MEI4: variants seen among roughly 807,000 people sequenced by gnomAD.
MEI4 encodes meiosis-specific protein MEI4.
Under a neutral mutation model 31.4 loss-of-function variants are expected in MEI4, and 27 were observed. The ratio of observed to expected loss-of-function variants is 0.86; its 90% CI spans 0.63 to 1.19. MEI4 has a LOEUF of 1.19. MEI4 is among the 50% of genes most tolerant of loss of function. The probability of loss-of-function intolerance (pLI) is 0.00; values close to 1 mark genes in which losing one functional copy is unlikely to be tolerated. For synonymous variants in MEI4, 122 were observed against 145.4 expected, an observed-to-expected ratio of 0.84 and a Z score of 1.16; for missense variants, 329 against 398.9, an observed-to-expected ratio of 0.82 and a Z score of 1.49.
At chr6:77,897,805 A>T (rs1766114761) in intron 4 of MEI4, among the ~76,000 whole-genome samples, 1 of 151,780 alleles carries the variant, frequency 6.6e-6, no homozygotes, top group Non-Finnish European at 1.5e-5. Flanking sequence ...TGATTCACCA[A>T]TCTATACCCC....
chr6:77,835,009 G>A lies in MEI4; in HGVS notation c.900+5947G>A, dbSNP rs559278964. On this transcript the variant is annotated intron_variant, in intron 4 of 4. Coordinates refer to ENST00000684080, the MANE Select transcript of MEI4 (RefSeq NM_001322247.2). ...TCTGAAGCTATGCAAACTTTCAGGCGTTCCAAGAGAGTTTTTGACTATTAC... is the reference window on the plus strand; with the variant it reads ...TCTGAAGCTATGCAAACTTTCAGGCATTCCAAGAGAGTTTTTGACTATTAC... Among the ~76,000 whole-genome samples the A allele has an allele frequency of 8.6e-4, 131 of 152,142 alleles. 1 individual carries two copies. Among genetic ancestry groups the A allele is most frequent in the African/African-American group, 2.9e-3 (121 of 41,528 alleles).
chr6:77,714,692 T>G (rs1766541101), intron 2 of MEI4, among the ~76,000 whole-genome samples: 1 of 152,154 alleles, frequency 6.6e-6, no homozygotes. Flanking sequence ...CAGCCCCATA[T>G]CCCTATCTGT....
rs900155745 is a variant in MEI4, at chr6:77,799,745, T to C, written c.769-29186T>C. ...AGTTTTCCCAGCACCATTTATTAAATAGGGAATCCTTTCCCCATTGCTTGT... is the reference window on the plus strand; with the variant it reads ...AGTTTTCCCAGCACCATTTATTAAACAGGGAATCCTTTCCCCATTGCTTGT... On this transcript the variant is annotated intron_variant, in intron 3 of 4. Transcript: ENST00000684080. Among the ~76,000 whole-genome samples, 56 of 152,274 alleles carry C rather than the reference T, an allele frequency of 3.7e-4. 1 individual carries two copies. The highest frequency in any genetic ancestry group is 1.3e-3 in the African/African-American group (54 of 41,556).
At chr6:77,745,913 T>G (rs1468020370) in intron 2 of MEI4, among the ~76,000 whole-genome samples, 1 of 152,160 alleles carries the variant, frequency 6.6e-6, no homozygotes. Flanking sequence ...AGATGTTCTT[T>G]GAAACCAACG....
At chr6:77,655,643 A>C (rs1211309764) in intron 1 of MEI4, among the ~76,000 whole-genome samples, 2 of 152,176 alleles carry the variant, frequency 1.3e-5, no homozygotes, top group African/African-American at 4.8e-5. Flanking sequence ...TGTATATACT[A>C]TCCTATTTTC....
chr6:77,663,563 G>A (rs1025156355), intron 1 of MEI4, among the ~76,000 whole-genome samples: 34 of 152,148 alleles, frequency 2.2e-4, no homozygotes, highest in African/African-American at 7.7e-4. Context: ...TAATTAAAAA[G>A]GAGTGCTTAA....
intron 4 of MEI4, among the ~76,000 whole-genome samples, chr6:77,897,101 A>G (rs965787382): frequency 1.3e-5 from 2 of 152,034 alleles, no homozygotes; most frequent in East Asian, 1.9e-4. Flanking sequence ...TAGAAAGGTT[A>G]AATAACTTTC....
At chr6:77,786,916 A>G (rs1768751514) in intron 3 of MEI4, among the ~76,000 whole-genome samples, 1 of 152,234 alleles carries the variant, frequency 6.6e-6, no homozygotes, top group African/African-American at 2.4e-5. Context: ...GTTGATGAAT[A>G]TATGTATTAA....
At chr6:77,719,028 AG>A (rs1304286778) in intron 2 of MEI4, among the ~76,000 whole-genome samples, 1 of 131,598 alleles carries the variant, frequency 7.6e-6, no homozygotes, top group Non-Finnish European at 1.6e-5. Flanking sequence ...TCCCAAGGGT[AG>A]AAAGACTGCA....
intron 2 of MEI4, among the ~76,000 whole-genome samples, chr6:77,711,545 C>T (rs1207490573): frequency 6.6e-6 from 1 of 152,084 alleles, no homozygotes; most frequent in East Asian, 1.9e-4. Flanking sequence ...GATTTGAGAG[C>T]ATGAATGACA....
intron 3 of MEI4, among the ~76,000 whole-genome samples, chr6:77,784,043 GCTAA>G (rs1368139761): frequency 6.6e-6 from 1 of 151,990 alleles, no homozygotes; most frequent in African/African-American, 2.4e-5. Flanking sequence ...CAATTTTTCT[GCTAA>G]CTGACATAAA....
intron 2 of MEI4, among the ~76,000 whole-genome samples, chr6:77,728,481 A>G (rs1766885220): frequency 6.6e-6 from 1 of 152,248 alleles, no homozygotes; most frequent in Admixed American, 6.5e-5. Context: ...GAAGTCTACC[A>G]GGAACAAGAC....
At chr6:77,867,193 G>A (rs1582234076) in intron 4 of MEI4, among the ~76,000 whole-genome samples, 1 of 152,300 alleles carries the variant, frequency 6.6e-6, no homozygotes, top group East Asian at 1.9e-4. Context: ...AACACCAAAA[G>A]CAATGGCAAC....
At chr6:77,874,905 C>A (rs1424587779) in intron 4 of MEI4, among the ~76,000 whole-genome samples, 2 of 152,156 alleles carry the variant, frequency 1.3e-5, no homozygotes, top group Non-Finnish European at 2.9e-5. Flanking sequence ...TGCTGGATTA[C>A]ATTTATTGAT....
At chr6:77,775,205 A>G (rs924784104) in intron 3 of MEI4, among the ~76,000 whole-genome samples, 1 of 152,108 alleles carries the variant, frequency 6.6e-6, no homozygotes, top group Non-Finnish European at 1.5e-5. Context: ...CTATCATTCT[A>G]TAGGATTTGG....
chr6:77,816,642 T>C (rs1270811683), intron 3 of MEI4, among the ~76,000 whole-genome samples: 1 of 152,148 alleles, frequency 6.6e-6, no homozygotes, highest in African/African-American at 2.4e-5. Context: ...TTATAATCCT[T>C]TGGGTATATA....
intron 4 of MEI4, among the ~76,000 whole-genome samples, chr6:77,917,105 A>G (rs1766577103): frequency 2.0e-5 from 3 of 151,840 alleles, no homozygotes; most frequent in South Asian, 2.1e-4. Context: ...TGAACTCATC[A>G]TTTTTTATGG....
At chr6:77,697,408 C>T (rs1391744047) in intron 2 of MEI4, among the ~76,000 whole-genome samples, 4 of 152,088 alleles carry the variant, frequency 2.6e-5, no homozygotes, top group East Asian at 1.9e-4. Context: ...GCATTTAGTG[C>T]TATAAATTTC....
intron 3 of MEI4, among the ~76,000 whole-genome samples, chr6:77,806,823 C>A (rs560575414): frequency 2.0e-5 from 3 of 152,108 alleles, no homozygotes; most frequent in Non-Finnish European, 4.4e-5. Flanking sequence ...ATCCAGCCTA[C>A]GACTTGTTTT....
Sources: allele counts gnomAD v4.1 joint callset (sites outside exome capture counted in the v4.1 genomes callset), GRCh38; gene constraint gnomAD v4.1.1; transcripts MANE v1.5; gene names NCBI Gene and HGNC (gene_info 2026-07-23, HGNC 2026-07-21).